LPL: variants seen among roughly 807,000 people sequenced by gnomAD.
LPL encodes the protein phospholipase A1.
Under a neutral mutation model 52.2 loss-of-function variants are expected in LPL, and 43 were observed. The observed-to-expected ratio is 0.82, with a 90% CI of 0.64 to 1.06. The LOEUF is 1.06. LPL is among the 50% of genes least tolerant of loss of function. LPL has a pLI of 0.00. For missense variants in LPL, 639 were observed against 585.3 expected (o/e 1.09, Z -0.95); for synonymous variants, 244 against 215.6 (o/e 1.13, Z -1.15).
rs575936934 is a variant in LPL at position 19,958,033 on chromosome 8, T to C, written c.1019-1227T>C. Among the ~76,000 whole-genome samples the C allele has an allele frequency of 1.8e-3, 266 of 150,614 alleles. 2 individuals carry two copies. Among genetic ancestry groups the C allele is most frequent in the African/African-American group, 6.0e-3 (245 of 40,684 alleles). On this transcript the variant is annotated intron_variant, in intron 6 of 9. Coordinates refer to ENST00000650287, the MANE Select transcript of LPL (RefSeq NM_000237.3). ...ATTTATTTATTTATTTATTTATTTA[T>C]TTTTGAGACACAGTCTCGCTCAGTT...
At chr8:19,951,998 G>A (rs1467255274) in intron 3 of LPL, 50 bp downstream of exon 3, 1 of 1,599,338 alleles carries the variant, frequency 6.3e-7, no homozygotes, top group Non-Finnish European at 8.6e-7. Flanking sequence ...GTTTTTGACT[G>A]GAGCCAGAAA....
chr8:19,953,263 ATTT>A (rs749582123), intron 3 of LPL, 44 bp from the exon 4 acceptor site: 48 of 1,159,232 alleles, frequency 4.1e-5, no homozygotes, highest in Non-Finnish European at 5.7e-5. Flanking sequence ...TTTTAGTTTT[ATTT>A]TTGGCAGAAC....
At chr8:19,943,207 T>C (rs1029647646) in intron 1 of LPL, among the ~76,000 whole-genome samples, 3 of 152,178 alleles carry the variant, frequency 2.0e-5, no homozygotes, top group Admixed American at 6.5e-5. Context: ...CTGGCTTGGA[T>C]TAATTTGAGT....
chr8:19,947,660 C>A (rs375060065), intron 1 of LPL, among the ~76,000 whole-genome samples: 1 of 103,184 alleles, frequency 9.7e-6, no homozygotes, highest in South Asian at 4.4e-4. Flanking sequence ...AAAACAACCC[C>A]CCCCCCGCCC....
rs374674661 is a variant in LPL at position 19,959,394 on chromosome 8, G to T, written c.1139+14G>T. 1.7e-5 allele frequency: 28 copies of T among 1,613,874 alleles called. No homozygotes were observed. Among genetic ancestry groups the T allele is most frequent in the South Asian group, 1.5e-4 (14 of 91,056 alleles). ...CCCATTCACTCTGTGAGTAGCACAG[G>T]GGGGCGGTCATCATGGCACCAGTCC... On this transcript the variant is annotated intron_variant, in intron 7 of 9. Transcript: ENST00000650287.
At chr8:19,945,909 G>A (rs1191387989) in intron 1 of LPL, among the ~76,000 whole-genome samples, 1 of 152,212 alleles carries the variant, frequency 6.6e-6, no homozygotes, top group Non-Finnish European at 1.5e-5. Context: ...CCTGTGGAGA[G>A]GAGGTATGAG....
chr8:19,941,935 A>C (rs1284856554), intron 1 of LPL, among the ~76,000 whole-genome samples: 1 of 152,170 alleles, frequency 6.6e-6, no homozygotes, highest in African/African-American at 2.4e-5. Flanking sequence ...AAGAGCTAGG[A>C]GAGGGAGAGT....
At chr8:19,947,795 C>T (rs575598374) in intron 1 of LPL, among the ~76,000 whole-genome samples, 1 of 152,118 alleles carries the variant, frequency 6.6e-6, no homozygotes, top group South Asian at 2.1e-4. Context: ...CCCACTAATA[C>T]CAGGGTAGCC....
chr8:19,964,941 TTC>T (rs1295957752), intron 9 of LPL, among the ~76,000 whole-genome samples: 1 of 151,228 alleles, frequency 6.6e-6, no homozygotes, highest in Non-Finnish European at 1.5e-5. Context: ...AAATCAAAGA[TTC>T]TCTTTCTCAC....
At chr8:19,948,444 A>C in intron 2 of LPL, 104 bp downstream of exon 2, 165 of 1,304,584 alleles carry the variant, frequency 1.3e-4, no homozygotes, top group Non-Finnish European at 1.6e-4. Context: ...CCCACATCTC[A>C]CGTGGATCTC....
Position 19,939,492 on chromosome 8 carries a change from C to CTGACCGCCTCCCGCGGAGGGG in LPL, c.55_75dup (p.Thr19_Val25dup). ...GACTCTGGCCGTGTGGCTCCAGAGT[C>CTGACCGCCTCCCGCGGAGGGG]TGACCGCCTCCCGCGGAGGGGTGGC... On this transcript the variant is annotated inframe_insertion, in exon 1 of 10. Coordinates refer to ENST00000650287, the MANE Select transcript of LPL (RefSeq NM_000237.3). This position sits in a 1 kb window ranked among gnomAD's most constrained non-coding sequence, Gnocchi z 4.0. 1 of 1,610,742 alleles carries CTGACCGCCTCCCGCGGAGGGG rather than the reference C, an allele frequency of 6.2e-7. No homozygotes were observed. The highest frequency in any genetic ancestry group is 8.5e-7 in the Non-Finnish European group (1 of 1,179,102).
At chr8:19,961,542 A>C (rs989970445) in intron 8 of LPL, among the ~76,000 whole-genome samples, 1 of 152,198 alleles carries the variant, frequency 6.6e-6, no homozygotes, top group Admixed American at 6.5e-5. Context: ...TGAATTACAC[A>C]GAGATCGCTA....
chr8:19,941,064 C>T (rs536820634), intron 1 of LPL, among the ~76,000 whole-genome samples: 160 of 152,322 alleles, frequency 1.1e-3, no homozygotes, highest in Non-Finnish European at 1.9e-3. Context: ...TGCACTTCAT[C>T]CTGGGTGACA....
chr8:19,963,726 G>A (rs1385449750), intron 9 of LPL, among the ~76,000 whole-genome samples: 1 of 152,084 alleles, frequency 6.6e-6, no homozygotes, highest in African/African-American at 2.4e-5. Flanking sequence ...ATGACTAGAT[G>A]AGAACATCTG....
rs1405256372 is a variant in LPL, at chr8:19,944,978, C to T, written c.89-3202C>T. Among the ~76,000 whole-genome samples, 1 of 151,930 alleles carries T rather than the reference C, an allele frequency of 6.6e-6. No individual in the cohort carries two copies. Among genetic ancestry groups the T allele is most frequent in the East Asian group, 1.9e-4 (1 of 5,176 alleles). ...TCCTTCCCTCCTTCCTTCCCCTTCC[C>T]CTTCTTCCTTCCTTCCTTCCTTCCC... is the stretch of plus-strand genomic sequence containing the variant. On this transcript the variant is annotated intron_variant, in intron 1 of 9. Coordinates refer to ENST00000650287, the MANE Select transcript of LPL (RefSeq NM_000237.3). This position sits in a 1 kb window ranked among gnomAD's most constrained non-coding sequence, Gnocchi z 4.2.
chr8:19,950,008 G>T lies in LPL; in HGVS notation c.249+1668G>T, dbSNP rs1002205821. Reference sequence around the variant, plus strand: ...CATGACCAACCCAATATCAACAGACGGTGCCACTTCCTATCATTGGTCCTA... The same window carrying T: ...CATGACCAACCCAATATCAACAGACTGTGCCACTTCCTATCATTGGTCCTA... On this transcript the variant is annotated intron_variant, in intron 2 of 9. Transcript: ENST00000650287. This position sits in a 1 kb window ranked among gnomAD's most constrained non-coding sequence, Gnocchi z 4.2. 2.0e-5 allele frequency among the ~76,000 whole-genome samples: 3 copies of T among 152,066 alleles called. No individual in the cohort carries two copies. The highest frequency in any genetic ancestry group is 4.4e-5 in the Non-Finnish European group (3 of 68,012).
In LPL at chr8:19,939,269, C is replaced by A; in HGVS notation, c.-172C>A. 1 of 623,078 alleles carries A rather than the reference C, an allele frequency of 1.6e-6. No homozygotes were observed. Among genetic ancestry groups the A allele is most frequent in the East Asian group, 2.7e-5 (1 of 36,414 alleles). 38.6% of individuals were successfully genotyped at this position (623,078 alleles called of 1,614,324 possible). ...GAAAACAGTGTCAGACTCGATTCCC[C>A]CTCTTCCTCCTCCTCAAGGGAAAGC... On this transcript the variant is annotated 5_prime_UTR_variant, in exon 1 of 10. Coordinates refer to ENST00000650287, the MANE Select transcript of LPL (RefSeq NM_000237.3). The surrounding 1 kb of genome is among the most constrained non-coding windows in gnomAD (Gnocchi z 4.0).
At position 19,967,021 on chromosome 8, in the gene LPL, TTAGCTGTAAA is replaced by T. The variant is rs2070095541; in HGVS notation, c.*1714_*1723del. 1 of 152,670 alleles carries T rather than the reference TTAGCTGTAAA, an allele frequency of 6.6e-6. No homozygotes were observed. Among genetic ancestry groups the T allele is most frequent in the East Asian group, 1.9e-4 (1 of 5,202 alleles). 9.5% of individuals were successfully genotyped at this position (152,670 alleles called of 1,614,324 possible). A position where few individuals can be genotyped will look rare whatever the true frequency, so the allele number is the denominator to read the frequency against. ...ATGTTCTGGCTTTACATTTTATTTA[TTAGCTGTAAA>T]TACATGTGTGGATGTGTAAATGGAG... On this transcript the variant is annotated 3_prime_UTR_variant, in exon 10 of 10. Transcript: ENST00000650287.
At chr8:19,940,756 T>C (rs1040993510) in intron 1 of LPL, among the ~76,000 whole-genome samples, 2 of 152,234 alleles carry the variant, frequency 1.3e-5, no homozygotes, top group African/African-American at 4.8e-5. Context: ...ACGTTTGTTT[T>C]ATTTTGGCAT....
Sources: allele counts gnomAD v4.1 joint callset (sites outside exome capture counted in the v4.1 genomes callset), GRCh38; gene constraint gnomAD v4.1.1; non-coding constraint Gnocchi (gnomAD v3.1); transcripts MANE v1.5; gene names NCBI Gene and HGNC (gene_info 2026-07-23, HGNC 2026-07-21).